Variants in CNTNAP2 observed in about 807,000 individuals in gnomAD.
CNTNAP2 encodes contactin associated protein 2.
CNTNAP2 carries 98 observed loss-of-function variants against 155.2 expected under a neutral mutation model. The ratio of observed to expected loss-of-function variants is 0.63; its 90% CI spans 0.54 to 0.75. CNTNAP2 has a LOEUF of 0.75. Ranked by LOEUF, CNTNAP2 falls within the 30% of genes least tolerant of loss-of-function variation. The probability of loss-of-function intolerance (pLI) is 0.00; values close to 1 mark genes in which losing one functional copy is unlikely to be tolerated. For missense variants in CNTNAP2, 1,727 were observed against 1,688.1 expected (o/e 1.02, Z -0.40); for synonymous variants, 651 against 631.2 (o/e 1.03, Z -0.47).
chr7:146,798,776 T>C (rs1802816657), intron 2 of CNTNAP2, among the ~76,000 whole-genome samples: 1 of 152,196 alleles, frequency 6.6e-6, no homozygotes, highest in South Asian at 2.1e-4. Flanking sequence ...TCTGTAGTCA[T>C]GAACAAATTA....
In CNTNAP2 at chr7:147,775,006, A is replaced by G. The variant is rs1260362811; in HGVS notation, c.2099-128559A>G. Among the ~76,000 whole-genome samples, 4 of 151,398 alleles carry G rather than the reference A, an allele frequency of 2.6e-5. No individual in the cohort carries two copies. In the East Asian group the frequency reaches 7.8e-4, roughly 30 times the overall value. On this transcript the variant is annotated intron_variant, in intron 13 of 23. Transcript: ENST00000361727. ...ACTATGCTGACTCTTATACCACTCT[A>G]TGTAGTATATGATTAACATAAGGCA...
At chr7:147,125,923 C>A (rs561059986) in intron 6 of CNTNAP2, among the ~76,000 whole-genome samples, 1 of 152,298 alleles carries the variant, frequency 6.6e-6, no homozygotes, top group Non-Finnish European at 1.5e-5. Context: ...CCACGATCTT[C>A]AAGATCACAG....
intron 13 of CNTNAP2, among the ~76,000 whole-genome samples, chr7:147,872,677 A>G (rs1363002593): frequency 1.3e-5 from 2 of 152,230 alleles, no homozygotes; most frequent in African/African-American, 2.4e-5. Flanking sequence ...TCATTATACT[A>G]TGAAGCTTTT....
chr7:147,374,157 TTTTA>T (rs1796395651), intron 9 of CNTNAP2, among the ~76,000 whole-genome samples: 1 of 152,098 alleles, frequency 6.6e-6, no homozygotes, highest in Non-Finnish European at 1.5e-5. Context: ...CAAATTTTAC[TTTTA>T]TTTTTTTTCT....
chr7:147,475,069 C>T (rs908170855), intron 10 of CNTNAP2, among the ~76,000 whole-genome samples: 26 of 152,150 alleles, frequency 1.7e-4, no homozygotes, highest in South Asian at 2.1e-4. Context: ...CATAGATCTG[C>T]GTTGTCTTTT....
At chr7:148,408,225 G>C (rs1209215813) in intron 22 of CNTNAP2, among the ~76,000 whole-genome samples, 1 of 152,134 alleles carries the variant, frequency 6.6e-6, no homozygotes, top group Non-Finnish European at 1.5e-5. Flanking sequence ...CTCCAGCCTG[G>C]ACAACAGAGT....
chr7:148,036,829 C>T (rs10281326), intron 15 of CNTNAP2, among the ~76,000 whole-genome samples: 13,872 of 151,996 alleles, frequency 0.091, 826 homozygotes, highest in East Asian at 0.27. Flanking sequence ...ATGTCTGATT[C>T]TATAAGGAAT....
At chr7:147,805,355 T>C (rs1201006368) in intron 13 of CNTNAP2, among the ~76,000 whole-genome samples, 1 of 152,208 alleles carries the variant, frequency 6.6e-6, no homozygotes, top group East Asian at 1.9e-4. Flanking sequence ...AAATATAAGA[T>C]TATATCATCT....
chr7:146,206,122 TATAAC>T (rs972053195), intron 1 of CNTNAP2, among the ~76,000 whole-genome samples: 6 of 151,956 alleles, frequency 3.9e-5, no homozygotes, highest in Admixed American at 2.6e-4. Flanking sequence ...TGACAAAAAT[TATAAC>T]ATAAGTTTGT....
intron 15 of CNTNAP2, among the ~76,000 whole-genome samples, chr7:148,058,729 G>A (rs181852295): frequency 2.6e-5 from 4 of 152,276 alleles, no homozygotes; most frequent in Admixed American, 6.5e-5. Flanking sequence ...ATTGAAAATA[G>A]GAAGAAGGAG....
chr7:147,483,374 G>A (rs1187288916), intron 10 of CNTNAP2, among the ~76,000 whole-genome samples: 1 of 152,054 alleles, frequency 6.6e-6, no homozygotes, highest in South Asian at 2.1e-4. Context: ...GGTGGGGATT[G>A]GTGTGGAACA....
At chr7:147,785,636 T>C (rs75176849) in intron 13 of CNTNAP2, among the ~76,000 whole-genome samples, 1,859 of 152,210 alleles carry the variant, frequency 0.012, 47 homozygotes, top group African/African-American at 0.042. Context: ...CAATGACATA[T>C]AGTAAAGATA....
chr7:148,248,284 C>A (rs189741814), intron 20 of CNTNAP2, among the ~76,000 whole-genome samples: 33 of 152,042 alleles, frequency 2.2e-4, no homozygotes, highest in Non-Finnish European at 8.8e-5. Context: ...CTGCAACCTC[C>A]ACCTCCCAGA....
At chr7:148,035,913 A>G (rs1802565496) in intron 15 of CNTNAP2, among the ~76,000 whole-genome samples, 1 of 152,230 alleles carries the variant, frequency 6.6e-6, no homozygotes, top group African/African-American at 2.4e-5. Context: ...CAAGAAGTCA[A>G]ACTTTATTCT....
At chr7:147,334,768 A>G (rs1795637605) in intron 9 of CNTNAP2, among the ~76,000 whole-genome samples, 1 of 152,134 alleles carries the variant, frequency 6.6e-6, no homozygotes, top group Non-Finnish European at 1.5e-5. Flanking sequence ...CATGCATACC[A>G]TGAATAAGCA....
At chr7:146,833,464 T>G (rs1213244247) in intron 2 of CNTNAP2, among the ~76,000 whole-genome samples, 1 of 152,146 alleles carries the variant, frequency 6.6e-6, no homozygotes, top group Admixed American at 6.5e-5. Flanking sequence ...TCCCAGAATG[T>G]CCAGTCTGAA....
At chr7:147,169,121 G>C (rs969442982) in intron 8 of CNTNAP2, among the ~76,000 whole-genome samples, 1 of 151,926 alleles carries the variant, frequency 6.6e-6, no homozygotes, top group South Asian at 2.1e-4. Flanking sequence ...TCTGTAAATT[G>C]GGCTCCAAAC....
intron 1 of CNTNAP2, among the ~76,000 whole-genome samples, chr7:146,326,707 G>A (rs1267070679): frequency 3.3e-5 from 5 of 152,108 alleles, no homozygotes; most frequent in Admixed American, 2.0e-4. Context: ...AAAGAGTGGC[G>A]ACTTTTTATT....
chr7:147,074,988 A>T (rs1297009712), intron 4 of CNTNAP2, among the ~76,000 whole-genome samples: 3 of 152,150 alleles, frequency 2.0e-5, no homozygotes, highest in East Asian at 1.9e-4. Flanking sequence ...TTAAATTGAG[A>T]TTAAGATATA....
Sources: allele counts gnomAD v4.1 joint callset (sites outside exome capture counted in the v4.1 genomes callset), GRCh38; gene constraint gnomAD v4.1.1; transcripts MANE v1.5; gene names NCBI Gene and HGNC (gene_info 2026-07-23, HGNC 2026-07-21).